Variants in PLCB1 observed in about 807,000 individuals in gnomAD.
PLCB1 encodes the protein 1-phosphatidylinositol 4,5-bisphosphate phosphodiesterase beta-1.
A neutral mutation model predicts 161.8 loss-of-function variants in PLCB1; 46 were observed. That is an observed-to-expected ratio of 0.28 (90% CI 0.22 to 0.36). The LOEUF is 0.36. Ranked by LOEUF, PLCB1 falls within the 10% of genes least tolerant of loss-of-function variation. The pLI is 1.00. For missense variants in PLCB1, 1,016 were observed against 1,472.5 expected (o/e 0.69, Z 5.07); for synonymous variants, 517 against 503.7 (o/e 1.03, Z -0.35).
At chr20:8,347,798 T>A (rs1177000331) in intron 2 of PLCB1, among the ~76,000 whole-genome samples, 1 of 152,178 alleles carries the variant, frequency 6.6e-6, no homozygotes, top group Non-Finnish European at 1.5e-5. Flanking sequence ...AATTTTTTAT[T>A]GAATTCCATG....
chr20:8,320,806 A>AAAGG (rs1486455755), intron 2 of PLCB1, among the ~76,000 whole-genome samples: 2 of 147,720 alleles, frequency 1.4e-5, no homozygotes, highest in African/African-American at 5.1e-5. Context: ...AAGAAGAAAG[A>AAAGG]AAGAAAGAAA....
At chr20:8,316,826 C>T (rs1984680103) in intron 2 of PLCB1, among the ~76,000 whole-genome samples, 2 of 151,938 alleles carry the variant, frequency 1.3e-5, no homozygotes, top group South Asian at 2.1e-4. Flanking sequence ...AGTACAGATC[C>T]CCAGTCCCTT....
At chr20:8,875,108 G>T (rs1427889094) in intron 31 of PLCB1, among the ~76,000 whole-genome samples, 2 of 151,398 alleles carry the variant, frequency 1.3e-5, no homozygotes, top group African/African-American at 4.8e-5. Context: ...AATATATATA[G>T]TTGTATTGTA....
intron 3 of PLCB1, among the ~76,000 whole-genome samples, chr20:8,511,833 G>A (rs1004369409): frequency 6.6e-6 from 1 of 151,992 alleles, no homozygotes; most frequent in East Asian, 1.9e-4. Flanking sequence ...TTCAAGAAAT[G>A]TCTATTTAAA....
intron 31 of PLCB1, among the ~76,000 whole-genome samples, chr20:8,821,314 A>C (rs1296967002): frequency 6.6e-6 from 1 of 150,798 alleles, no homozygotes; most frequent in African/African-American, 2.4e-5. Flanking sequence ...CCACATCTCT[A>C]CTAAAAATAT....
intron 31 of PLCB1, among the ~76,000 whole-genome samples, chr20:8,848,328 T>C (rs1224238080): frequency 6.6e-6 from 1 of 151,916 alleles, no homozygotes; most frequent in Non-Finnish European, 1.5e-5. Context: ...TATTTAAGAG[T>C]TTTTATAACT....
At chr20:8,773,807 C>T (rs527256711) in intron 26 of PLCB1, among the ~76,000 whole-genome samples, 4 of 152,188 alleles carry the variant, frequency 2.6e-5, no homozygotes, top group Non-Finnish European at 5.9e-5. Flanking sequence ...AACCTCATCT[C>T]TAATAAAAAT....
intron 27 of PLCB1, among the ~76,000 whole-genome samples, chr20:8,779,148 G>A (rs2146208800): frequency 6.6e-6 from 1 of 152,222 alleles, no homozygotes; most frequent in Non-Finnish European, 1.5e-5. Context: ...CTTTGGTTAA[G>A]GATTATGCAT....
At chr20:8,793,682 T>TCACAGGAC (rs921059163) in intron 31 of PLCB1, among the ~76,000 whole-genome samples, 5 of 152,132 alleles carry the variant, frequency 3.3e-5, no homozygotes, top group African/African-American at 4.8e-5. Flanking sequence ...CAGGGCGAGA[T>TCACAGGAC]CACAGGACCA....
At chr20:8,646,055 G>T in intron 4 of PLCB1, 47 bp from the exon 5 acceptor site, 2 of 1,209,016 alleles carry the variant, frequency 1.7e-6, no homozygotes, top group South Asian at 2.4e-5. Flanking sequence ...TGTGTCTAAT[G>T]ACTGTGCAGT....
intron 4 of PLCB1, among the ~76,000 whole-genome samples, chr20:8,632,693 C>T (rs961126657): frequency 3.3e-5 from 5 of 152,058 alleles, no homozygotes; most frequent in African/African-American, 7.2e-5. Flanking sequence ...GACAGCACTG[C>T]GCTTGCACTA....
At chr20:8,584,340 G>A (rs999803438) in intron 3 of PLCB1, among the ~76,000 whole-genome samples, 2 of 151,988 alleles carry the variant, frequency 1.3e-5, no homozygotes, top group Non-Finnish European at 2.9e-5. Flanking sequence ...TCAAAACCAG[G>A]ACTTGTGCAT....
intron 2 of PLCB1, among the ~76,000 whole-genome samples, chr20:8,334,166 G>A (rs1453109085): frequency 2.0e-5 from 3 of 151,640 alleles, no homozygotes; most frequent in African/African-American, 7.3e-5. Context: ...CCGCGATCGC[G>A]CCATTGCACT....
At chr20:8,600,883 C>G (rs998226206) in intron 3 of PLCB1, 3 of 152,734 alleles carry the variant, frequency 2.0e-5, no homozygotes, top group Non-Finnish European at 4.4e-5. Flanking sequence ...TCTGTCACCC[C>G]TTTCTTTGAC....
At chr20:8,307,274 G>A (rs1324361042) in intron 2 of PLCB1, among the ~76,000 whole-genome samples, 2 of 152,180 alleles carry the variant, frequency 1.3e-5, no homozygotes, top group African/African-American at 4.8e-5. Context: ...CTCTGTCTCT[G>A]GATTCAGCTT....
At chr20:8,715,905 T>A (rs1324439575) in intron 12 of PLCB1, 5 of 207,256 alleles carry the variant, frequency 2.4e-5, no homozygotes, top group Non-Finnish European at 4.9e-5. Context: ...ATGAAAGGGT[T>A]CTTTCTCCAA....
intron 31 of PLCB1, among the ~76,000 whole-genome samples, chr20:8,839,186 T>C (rs528148483): frequency 6.6e-6 from 1 of 152,312 alleles, no homozygotes; most frequent in East Asian, 1.9e-4. Context: ...TTTAGGGACC[T>C]TCTACCTCAG....
intron 2 of PLCB1, among the ~76,000 whole-genome samples, chr20:8,348,693 T>G (rs1421273273): frequency 2.0e-5 from 3 of 152,238 alleles, no homozygotes; most frequent in South Asian, 2.1e-4. Flanking sequence ...CTTTCTAAGC[T>G]GCTGCTGTTT....
intron 2 of PLCB1, among the ~76,000 whole-genome samples, chr20:8,272,480 A>C (rs1244469224): frequency 1.3e-5 from 2 of 152,122 alleles, no homozygotes; most frequent in African/African-American, 4.8e-5. Flanking sequence ...CACCACCTTT[A>C]TGGTTGTCTC....
Sources: allele counts gnomAD v4.1 joint callset (sites outside exome capture counted in the v4.1 genomes callset), GRCh38; gene constraint gnomAD v4.1.1; transcripts MANE v1.5; gene names NCBI Gene and HGNC (gene_info 2026-07-23, HGNC 2026-07-21).